TMEM131: variants seen among roughly 807,000 people sequenced by gnomAD.
TMEM131 encodes 2610524E03Rik.
TMEM131 carries 66 observed loss-of-function variants against 211.6 expected under a neutral mutation model. That is an observed-to-expected ratio of 0.31 (90% CI 0.26 to 0.38). The LOEUF (loss-of-function observed/expected upper bound fraction) is 0.38, where lower values mean the gene tolerates loss of function less well. TMEM131 is among the 10% of genes least tolerant of loss of function. The pLI, the probability that TMEM131 is intolerant of heterozygous loss-of-function variation, is 1.00. For synonymous variants in TMEM131, 844 were observed against 841.3 expected (o/e 1.00, Z -0.06); for missense variants, 2,036 against 2,299.3 (o/e 0.89, Z 2.34).
At chr2:97,963,696 CAA>C (rs1249808057) in intron 1 of TMEM131, among the ~76,000 whole-genome samples, 2 of 152,124 alleles carry the variant, frequency 1.3e-5, no homozygotes, top group Non-Finnish European at 1.5e-5. Flanking sequence ...GCCTGGGTGA[CAA>C]GAGTGAAAAC....
intron 5 of TMEM131, among the ~76,000 whole-genome samples, chr2:97,856,463 T>C (rs1419775616): frequency 6.6e-6 from 1 of 152,226 alleles, no homozygotes; most frequent in Admixed American, 6.5e-5. Flanking sequence ...AATATAATTA[T>C]GTAAAACTTA....
At chr2:97,763,211 C>T (rs964076290) in intron 35 of TMEM131, 3 of 152,594 alleles carry the variant, frequency 2.0e-5, no homozygotes, top group Admixed American at 2.0e-4. Context: ...CACCCTGTAG[C>T]ACAAGCTGCT....
intron 5 of TMEM131, among the ~76,000 whole-genome samples, chr2:97,857,240 G>A (rs1309405862): frequency 6.6e-6 from 1 of 152,140 alleles, no homozygotes; most frequent in Non-Finnish European, 1.5e-5. Context: ...AACTGCACAT[G>A]GGCTTAGACT....
intron 1 of TMEM131, among the ~76,000 whole-genome samples, chr2:97,946,667 A>G (rs1000734634): frequency 8.7e-5 from 13 of 149,982 alleles, no homozygotes; most frequent in Non-Finnish European, 1.8e-4. Context: ...ATTTAAGGGG[A>G]AAAAAAAAAT....
chr2:97,985,758 T>C (rs1679998554), intron 1 of TMEM131, among the ~76,000 whole-genome samples: 1 of 151,484 alleles, frequency 6.6e-6, no homozygotes, highest in Non-Finnish European at 1.5e-5. Flanking sequence ...TGAAAGGAAA[T>C]ACTGTATATA....
chr2:97,827,328 A>C, intron 11 of TMEM131: 1 of 797,478 alleles, frequency 1.3e-6, no homozygotes. Context: ...TGTCAGCTAA[A>C]CCTCCTGCAA....
intron 1 of TMEM131, among the ~76,000 whole-genome samples, chr2:97,993,193 C>T (rs764194267): frequency 3.5e-4 from 53 of 152,160 alleles, no homozygotes; most frequent in Non-Finnish European, 5.0e-4. Flanking sequence ...CCTGCAGAAT[C>T]ATCATTAAAA....
At chr2:97,806,724 T>C (rs1396810338) in intron 19 of TMEM131, among the ~76,000 whole-genome samples, 1 of 152,258 alleles carries the variant, frequency 6.6e-6, no homozygotes, top group Non-Finnish European at 1.5e-5. Context: ...TACAAAATTT[T>C]ACTTTTTGTA....
At chr2:97,875,218 A>C (rs1674643869) in intron 4 of TMEM131, among the ~76,000 whole-genome samples, 1 of 152,230 alleles carries the variant, frequency 6.6e-6, no homozygotes. Flanking sequence ...TCATAAAGCA[A>C]GTTCTTAGAG....
Position 97,775,183 on chromosome 2 carries a change from G to A in TMEM131, c.4320+660C>T, listed in dbSNP as rs538418677. 9.9e-5 allele frequency among the ~76,000 whole-genome samples: 15 copies of A among 152,224 alleles called. No homozygotes were observed. In the South Asian group the frequency reaches 2.5e-3, roughly 25 times the overall value. ...CTACTCACAGCAGTAATCTGACCCC[G>A]TCACTAAGGCCCACTGGACCCGACA... On this transcript the variant is annotated intron_variant, in intron 32 of 40. Coordinates refer to ENST00000186436, the MANE Select transcript of TMEM131 (RefSeq NM_015348.2).
intron 10 of TMEM131, 63 bp from the exon 11 acceptor site, chr2:97,833,489 T>C: frequency 1.4e-6 from 1 of 739,888 alleles, no homozygotes; most frequent in Non-Finnish European, 2.3e-6. Flanking sequence ...GTTAGAATCT[T>C]TACCTTATAA....
rs571627628 is a variant in TMEM131, at chr2:97,756,574, T to C, written c.*525A>G. 6.6e-6 allele frequency: 1 copy of C among 152,466 alleles called. No homozygotes were observed. Among genetic ancestry groups the C allele is most frequent in the Admixed American group, 6.5e-5 (1 of 15,314 alleles). The allele number at this position is 152,466 out of a possible 1,614,324, so 9.4% of individuals were successfully genotyped here. A position where few individuals can be genotyped will look rare whatever the true frequency, so the allele number is the denominator to read the frequency against. ...TAAGTTGACTTACATTTCTGTAATC[T>C]GCTTTTAAACCAAGACAGCCTTACT... is the stretch of plus-strand genomic sequence containing the variant. On this transcript the variant is annotated 3_prime_UTR_variant, in exon 41 of 41. Coordinates refer to ENST00000186436, the MANE Select transcript of TMEM131 (RefSeq NM_015348.2).
Position 97,760,821 on chromosome 2 carries a change from T to A in TMEM131, c.4983A>T (p.Ala1661=). 6.2e-7 allele frequency: 1 copy of A among 1,614,082 alleles called. No individual in the cohort carries two copies. Among genetic ancestry groups the A allele is most frequent in the Non-Finnish European group, 8.5e-7 (1 of 1,179,896 alleles). The change falls in exon 37 of 41, where the codon GCA becomes GCT. Residue 1661 remains alanine (A), a synonymous_variant. Transcript: ENST00000186436. ...PGKNGNPTFA[A]VTAGYDKSPG... ...GGCTCTTGTCGTAGCCAGCCGTGACTGCAGCAAAAGTGGGGTTGCCGTTCT... is the reference window on the plus strand; with the variant it reads ...GGCTCTTGTCGTAGCCAGCCGTGACAGCAGCAAAAGTGGGGTTGCCGTTCT...
At chr2:97,775,620 C>T (rs1388130790) in intron 32 of TMEM131, among the ~76,000 whole-genome samples, 1 of 152,190 alleles carries the variant, frequency 6.6e-6, no homozygotes, top group East Asian at 1.9e-4. Flanking sequence ...CTGTTCTTCC[C>T]TGGAGGACAT....
intron 33 of TMEM131, among the ~76,000 whole-genome samples, chr2:97,771,222 G>T (rs80302583): frequency 0.012 from 1,812 of 152,176 alleles, 37 homozygotes; most frequent in African/African-American, 0.041. Context: ...TAAATTTTAG[G>T]TACAAATACT....
At chr2:97,923,855 T>G (rs920804987) in intron 2 of TMEM131, among the ~76,000 whole-genome samples, 41 of 151,226 alleles carry the variant, frequency 2.7e-4, no homozygotes, top group African/African-American at 9.9e-4. Flanking sequence ...CTGAGGCGGG[T>G]GGATCACGAG....
intron 4 of TMEM131, among the ~76,000 whole-genome samples, chr2:97,875,777 A>C (rs1674667936): frequency 1.3e-5 from 2 of 152,228 alleles, no homozygotes; most frequent in African/African-American, 4.8e-5. Flanking sequence ...AAAGATCTAA[A>C]ATCGAAAACA....
chr2:97,791,397 T>C (rs1189513198), intron 31 of TMEM131, among the ~76,000 whole-genome samples: 4 of 152,240 alleles, frequency 2.6e-5, no homozygotes, highest in Non-Finnish European at 5.9e-5. Context: ...TCCGTCCTGC[T>C]TCCTCCTTGC....
At chr2:97,895,094 T>C (rs1675547923) in intron 3 of TMEM131, among the ~76,000 whole-genome samples, 2 of 152,228 alleles carry the variant, frequency 1.3e-5, no homozygotes, top group Admixed American at 1.3e-4. Context: ...GTGTTGAATT[T>C]TGTCGAAGGC....
Sources: gnomAD v4.1 joint callset for allele counts (sites outside exome capture counted in the v4.1 genomes callset) on GRCh38, gnomAD v4.1.1 for gene constraint, MANE v1.5 for transcripts, NCBI Gene and HGNC (gene_info 2026-07-23, HGNC 2026-07-21) for gene names.